Variants in LURAP1L observed in about 807,000 individuals in gnomAD.
The protein encoded by LURAP1L is leucine rich adaptor protein 1-like.
In LURAP1L, 12 loss-of-function variants were observed where a neutral mutation model predicts 13.8. That is an observed-to-expected ratio of 0.87 (90% CI 0.56 to 1.41). The LOEUF (loss-of-function observed/expected upper bound fraction) is 1.41. Among genes scored for constraint, LURAP1L ranks in the 40% most tolerant of loss-of-function variants. The pLI, the probability that LURAP1L is intolerant of heterozygous loss-of-function variation, is 0.00. For synonymous variants in LURAP1L, 139 were observed against 119.2 expected, an observed-to-expected ratio of 1.17 and a Z score of -1.08; for missense variants, 375 against 292.9, an observed-to-expected ratio of 1.28 and a Z score of -2.04.
rs1168292099 is a variant in LURAP1L at position 12,822,518 on chromosome 9, C to T, written c.*758C>T. Among the ~76,000 whole-genome samples, 3 of 152,084 alleles carry T rather than the reference C, an allele frequency of 2.0e-5. No individual in the cohort carries two copies. Among genetic ancestry groups the T allele is most frequent in the African/African-American group, 7.2e-5 (3 of 41,412 alleles). ...GGCAAAAATGTCCTAAATTTAATTG[C>T]ATTTTGAGATTTTGTTGGCATTTAC... On this transcript the variant is annotated 3_prime_UTR_variant, in exon 2 of 2. Transcript: ENST00000319264.
At chr9:12,805,677 T>A (rs576080699) in intron 1 of LURAP1L, among the ~76,000 whole-genome samples, 1 of 152,364 alleles carries the variant, frequency 6.6e-6, no homozygotes, top group East Asian at 1.9e-4. Flanking sequence ...CAAGTGATCT[T>A]GTCATAAAAC....
At chr9:12,813,592 T>C (rs975095065) in intron 1 of LURAP1L, among the ~76,000 whole-genome samples, 4 of 152,198 alleles carry the variant, frequency 2.6e-5, no homozygotes, top group African/African-American at 9.6e-5. Flanking sequence ...AAAATTTTAA[T>C]ACTGCAGATT....
chr9:12,783,890 C>T (rs985812249), intron 1 of LURAP1L, among the ~76,000 whole-genome samples: 1 of 149,088 alleles, frequency 6.7e-6, no homozygotes, highest in African/African-American at 2.5e-5. Context: ...TTTTGTCTCC[C>T]TCACTGTATA....
rs186390997 is a variant in LURAP1L, at chr9:12,802,538, C to T, written c.313-18848C>T. Among the ~76,000 whole-genome samples, 9 of 152,320 alleles carry T rather than the reference C, an allele frequency of 5.9e-5. 1 individual carries two copies. The East Asian group carries it at 1.7e-3, about 29-fold the overall frequency. ...TCCTGAGGCCTCTCCAGAAGCTGAGCAGATACCAGCTTCAGCTTCCTGTGC... is the reference window on the plus strand; with the variant it reads ...TCCTGAGGCCTCTCCAGAAGCTGAGTAGATACCAGCTTCAGCTTCCTGTGC... On this transcript the variant is annotated intron_variant, in intron 1 of 1. Coordinates refer to ENST00000319264, the MANE Select transcript of LURAP1L (RefSeq NM_203403.2).
chr9:12,786,219 T>G (rs948082968), intron 1 of LURAP1L, among the ~76,000 whole-genome samples: 2 of 152,012 alleles, frequency 1.3e-5, no homozygotes, highest in Admixed American at 6.6e-5. Context: ...GCTTAAGAAA[T>G]TCTTATCTAG....
chr9:12,796,176 CTG>C lies in LURAP1L; in HGVS notation c.312+20151_312+20152del, dbSNP rs2118501664. On this transcript the variant is annotated intron_variant, in intron 1 of 1. Coordinates refer to ENST00000319264, the MANE Select transcript of LURAP1L (RefSeq NM_203403.2). ...TCTATGATTTCCCATTTATATAATT[CTG>C]TATGTTCATAATGGTTTCATTTTAT... Among the ~76,000 whole-genome samples, 2 of 151,796 alleles carry C rather than the reference CTG, an allele frequency of 1.3e-5. 1 individual carries two copies. The highest frequency in any genetic ancestry group is 1.3e-4 in the Admixed American group (2 of 15,212).
At chr9:12,798,696 T>C (rs1470114494) in intron 1 of LURAP1L, among the ~76,000 whole-genome samples, 2 of 152,200 alleles carry the variant, frequency 1.3e-5, no homozygotes, top group Non-Finnish European at 2.9e-5. Context: ...TTGCAAACTA[T>C]TTAATCTGGC....
At position 12,775,830 on chromosome 9, in the gene LURAP1L, G is replaced by C; in HGVS notation, c.115G>C (p.Asp39His). The part of the protein sequence containing the change: ...RGEEPVPRER[D>H]RDPCGGSGGG... ...GGAGGAGCCGGTTCCCAGGGAAAGG[G>C]ACAGGGACCCCTGCGGGGGGAGCGG... Residue 39 changes from aspartate (D) to histidine (H), a missense_variant, in exon 1 of 2, where the codon GAC becomes CAC. Transcript: ENST00000319264. 6.2e-7 allele frequency: 1 copy of C among 1,605,900 alleles called. No homozygotes were observed. Among genetic ancestry groups the C allele is most frequent in the Non-Finnish European group, 8.5e-7 (1 of 1,176,700 alleles).
chr9:12,797,233 T>C (rs1207200964), intron 1 of LURAP1L, among the ~76,000 whole-genome samples: 1 of 151,932 alleles, frequency 6.6e-6, no homozygotes, highest in Non-Finnish European at 1.5e-5. Context: ...TTTCCTAGAA[T>C]GCAGTACATC....
At chr9:12,798,250 G>C (rs1352443353) in intron 1 of LURAP1L, among the ~76,000 whole-genome samples, 1 of 152,118 alleles carries the variant, frequency 6.6e-6, no homozygotes, top group Admixed American at 6.6e-5. Context: ...AGCTCATCAT[G>C]TGCCATCTGC....
intron 1 of LURAP1L, among the ~76,000 whole-genome samples, chr9:12,815,510 T>A (rs957202704): frequency 6.6e-6 from 1 of 152,138 alleles, no homozygotes; most frequent in Non-Finnish European, 1.5e-5. Flanking sequence ...CTTTCTTCCT[T>A]CAATGTATGT....
At chr9:12,786,751 T>A (rs189503265) in intron 1 of LURAP1L, among the ~76,000 whole-genome samples, 1 of 151,494 alleles carries the variant, frequency 6.6e-6, no homozygotes, top group African/African-American at 2.4e-5. Context: ...ACATAATATC[T>A]CTCAAATAGG....
intron 1 of LURAP1L, among the ~76,000 whole-genome samples, chr9:12,781,588 C>G (rs982060791): frequency 2.6e-5 from 4 of 152,152 alleles, no homozygotes; most frequent in African/African-American, 7.2e-5. Context: ...ATGACAGATT[C>G]TAATTCTTTT....
At chr9:12,782,520 G>C (rs1197377983) in intron 1 of LURAP1L, among the ~76,000 whole-genome samples, 1 of 152,018 alleles carries the variant, frequency 6.6e-6, no homozygotes, top group Non-Finnish European at 1.5e-5. Context: ...TATGTTCTTG[G>C]CATCTTTGTG....
At chr9:12,812,863 A>G (rs1349304460) in intron 1 of LURAP1L, among the ~76,000 whole-genome samples, 1 of 152,194 alleles carries the variant, frequency 6.6e-6, no homozygotes, top group Non-Finnish European at 1.5e-5. Flanking sequence ...CTGAGTTTAG[A>G]TACCTGGCTT....
chr9:12,813,930 A>G (rs1167741145), intron 1 of LURAP1L, among the ~76,000 whole-genome samples: 3 of 152,258 alleles, frequency 2.0e-5, no homozygotes, highest in Non-Finnish European at 4.4e-5. Context: ...TTTGCTATAC[A>G]TACAACAGTT....
intron 1 of LURAP1L, among the ~76,000 whole-genome samples, chr9:12,815,035 C>T (rs1431176906): frequency 6.6e-6 from 1 of 152,098 alleles, no homozygotes; most frequent in Admixed American, 6.5e-5. Context: ...CATTCCAAAC[C>T]AAAAACAGTG....
intron 1 of LURAP1L, among the ~76,000 whole-genome samples, chr9:12,798,153 T>G (rs1209584924): frequency 6.6e-6 from 1 of 152,192 alleles, no homozygotes; most frequent in Non-Finnish European, 1.5e-5. Flanking sequence ...GGTAAAATTT[T>G]AAGTGTAATA....
At chr9:12,802,749 G>A (rs943801520) in intron 1 of LURAP1L, among the ~76,000 whole-genome samples, 3 of 152,086 alleles carry the variant, frequency 2.0e-5, no homozygotes, top group Admixed American at 6.6e-5. Flanking sequence ...GGAATGAACT[G>A]TCACGGCATC....
Sources: gnomAD v4.1 joint callset for allele counts (sites outside exome capture counted in the v4.1 genomes callset) on GRCh38, gnomAD v4.1.1 for gene constraint, MANE v1.5 for transcripts, NCBI Gene and HGNC (gene_info 2026-07-23, HGNC 2026-07-21) for gene names.